SPACA7: variants seen among roughly 807,000 people sequenced by gnomAD.
The protein encoded by SPACA7 is sperm acrosome associated 7, also known as sperm acrosome-associated protein 7.
Under a neutral mutation model 26.3 loss-of-function variants are expected in SPACA7, and 19 were observed. That is an observed-to-expected ratio of 0.72 (90% CI 0.50 to 1.06). The LOEUF is 1.06. Ranked by LOEUF, SPACA7 falls within the 50% of genes least tolerant of loss-of-function variation. The pLI, the probability that SPACA7 is intolerant of heterozygous loss-of-function variation, is 0.00. For missense variants in SPACA7, 211 were observed against 229.9 expected (o/e 0.92, Z 0.53); for synonymous variants, 84 against 84.5 (o/e 0.99, Z 0.04).
chr13:112,427,152 T>A (rs1215931285), intron 5 of SPACA7, among the ~76,000 whole-genome samples: 2 of 152,248 alleles, frequency 1.3e-5, no homozygotes, highest in Non-Finnish European at 2.9e-5. Flanking sequence ...ATATTTTTTG[T>A]ACAAAGTCAG....
At chr13:112,389,951 T>C (rs117658111) in intron 1 of SPACA7, among the ~76,000 whole-genome samples, 2,390 of 152,344 alleles carry the variant, frequency 0.016, 25 homozygotes, top group Middle Eastern at 0.027. Flanking sequence ...GAGGCTGTGA[T>C]TGAAGCAGCC....
chr13:112,417,022 T>C (rs1189469645), intron 5 of SPACA7, among the ~76,000 whole-genome samples: 2 of 152,190 alleles, frequency 1.3e-5, no homozygotes, highest in Non-Finnish European at 2.9e-5. Context: ...CTTTTTTTTT[T>C]CATTAAGTTG....
Position 112,412,070 on chromosome 13 carries a change from C to G in SPACA7, c.445+10906C>G, listed in dbSNP as rs113175444. 1.7e-3 allele frequency among the ~76,000 whole-genome samples: 257 copies of G among 152,246 alleles called. 2 individuals are homozygous for G. The highest frequency in any genetic ancestry group is 5.3e-3 in the African/African-American group (219 of 41,566). On this transcript the variant is annotated intron_variant, in intron 5 of 6. Coordinates refer to ENST00000283550, the MANE Select transcript of SPACA7 (RefSeq NM_145248.5). ...CTGAACTAGTTTACACTCCCACCAA[C>G]AATGTACAAGGATTCCCCCTTTTTC...
chr13:112,383,862 A>G (rs1188067373), intron 1 of SPACA7, among the ~76,000 whole-genome samples: 1 of 152,270 alleles, frequency 6.6e-6, no homozygotes, highest in Non-Finnish European at 1.5e-5. Flanking sequence ...GTTACAAAAG[A>G]AAACAGATTT....
At chr13:112,423,592 T>A (rs1021040365) in intron 5 of SPACA7, among the ~76,000 whole-genome samples, 1 of 151,688 alleles carries the variant, frequency 6.6e-6, no homozygotes, top group Non-Finnish European at 1.5e-5. Flanking sequence ...ACATAAAAGG[T>A]AAGAACCAAC....
chr13:112,430,730 G>A (rs982305041), intron 5 of SPACA7, among the ~76,000 whole-genome samples: 1 of 152,178 alleles, frequency 6.6e-6, no homozygotes, highest in African/African-American at 2.4e-5. Context: ...GTTTCACCAG[G>A]TGCCCTATAG....
chr13:112,389,101 A>C (rs1231786583), intron 1 of SPACA7, among the ~76,000 whole-genome samples: 1 of 152,230 alleles, frequency 6.6e-6, no homozygotes, highest in African/African-American at 2.4e-5. Flanking sequence ...TTAGTCTTAC[A>C]AAGGCAGTCT....
intron 5 of SPACA7, among the ~76,000 whole-genome samples, chr13:112,415,792 G>A (rs758127531): frequency 2.0e-5 from 3 of 152,120 alleles, no homozygotes; most frequent in Non-Finnish European, 4.4e-5. Flanking sequence ...TGGGACCTAT[G>A]GCCACTTTAG....
In SPACA7 at chr13:112,377,136, T is replaced by G. The variant is rs74135376; in HGVS notation, c.94+657T>G. ...ATCAGGGTGGGTCAGTGGATGAACATTGCTAAAAGGTAGGAGAATTCTTTG... is the reference window on the plus strand; with the variant it reads ...ATCAGGGTGGGTCAGTGGATGAACAGTGCTAAAAGGTAGGAGAATTCTTTG... On this transcript the variant is annotated intron_variant, in intron 1 of 6. Coordinates refer to ENST00000283550, the MANE Select transcript of SPACA7 (RefSeq NM_145248.5). Among the ~76,000 whole-genome samples, 40 of 152,222 alleles carry G rather than the reference T, an allele frequency of 2.6e-4. No individual in the cohort carries two copies. In the South Asian group the frequency reaches 8.3e-3, roughly 32 times the overall value.
At chr13:112,425,374 G>A (rs1876436713) in intron 5 of SPACA7, among the ~76,000 whole-genome samples, 1 of 152,222 alleles carries the variant, frequency 6.6e-6, no homozygotes. Context: ...CGATACAACT[G>A]GAAGGAAACA....
chr13:112,390,524 C>A (rs1459915580), intron 1 of SPACA7, among the ~76,000 whole-genome samples: 2 of 152,148 alleles, frequency 1.3e-5, no homozygotes, highest in Non-Finnish European at 2.9e-5. Flanking sequence ...TAGAGACATA[C>A]CTGAGACTGG....
At chr13:112,433,556 A>T (rs1877408452) in intron 6 of SPACA7, among the ~76,000 whole-genome samples, 3 of 151,632 alleles carry the variant, frequency 2.0e-5, no homozygotes, top group Non-Finnish European at 4.4e-5. Context: ...ACTGTCCACA[A>T]GCGTGGGAAG....
intron 1 of SPACA7, among the ~76,000 whole-genome samples, chr13:112,382,992 AAG>A (rs1339810486): frequency 1.3e-5 from 2 of 149,398 alleles, no homozygotes; most frequent in Non-Finnish European, 3.0e-5. Flanking sequence ...TCCGTCTAAA[AAG>A]AGAGAGAGAG....
intron 5 of SPACA7, among the ~76,000 whole-genome samples, chr13:112,424,652 C>T (rs77132877): frequency 0.027 from 4,076 of 152,266 alleles, 81 homozygotes; most frequent in Middle Eastern, 0.054. Context: ...TATTGCTTTG[C>T]TTCCTCTCAC....
intron 2 of SPACA7, among the ~76,000 whole-genome samples, chr13:112,395,068 C>T (rs9577354): frequency 0.11 from 16,460 of 152,094 alleles, 2,116 homozygotes; most frequent in African/African-American, 0.3. Flanking sequence ...AGGGCAGTCA[C>T]CACCATCACG....
chr13:112,387,241 G>T, intron 1 of SPACA7, among the ~76,000 whole-genome samples: 1 of 152,198 alleles, frequency 6.6e-6, no homozygotes. Context: ...TCTAGATGGT[G>T]AAACCAAGGG....
rs59236283 is a variant in SPACA7 at position 112,421,225 on chromosome 13, CAA to C, written c.446-11202_446-11201del. Among the ~76,000 whole-genome samples, 843 of 86,804 alleles carry C rather than the reference CAA, an allele frequency of 9.7e-3. 9 individuals are homozygous for C. Among genetic ancestry groups the C allele is most frequent in the African/African-American group, 0.028 (757 of 26,730 alleles). 56.9% of individuals were successfully genotyped at this position (86,804 alleles called of 152,430 possible). ...AAGGGAAAAGAAAGAAAGAAACATG[CAA>C]AAAAAAAAAAAAAAAAGTATGTCAA... On this transcript the variant is annotated intron_variant, in intron 5 of 6. Coordinates refer to ENST00000283550, the MANE Select transcript of SPACA7 (RefSeq NM_145248.5).
At chr13:112,405,898 G>A (rs759044611) in intron 5 of SPACA7, among the ~76,000 whole-genome samples, 7 of 151,894 alleles carry the variant, frequency 4.6e-5, no homozygotes, top group Non-Finnish European at 7.4e-5. Flanking sequence ...TTTTAGCATC[G>A]AAAAGATACT....
At chr13:112,414,567 T>C (rs935315235) in intron 5 of SPACA7, among the ~76,000 whole-genome samples, 3 of 151,936 alleles carry the variant, frequency 2.0e-5, no homozygotes, top group Non-Finnish European at 4.4e-5. Flanking sequence ...CATGCCACCA[T>C]GCCCAGATAA....
Sources: allele counts gnomAD v4.1 joint callset (sites outside exome capture counted in the v4.1 genomes callset), GRCh38; gene constraint gnomAD v4.1.1; transcripts MANE v1.5; gene names NCBI Gene and HGNC (gene_info 2026-07-23, HGNC 2026-07-21).